Variants in CACNA1E observed in about 807,000 individuals in gnomAD.
CACNA1E encodes voltage-dependent R-type calcium channel subunit alpha-1E.
A neutral mutation model predicts 259.2 loss-of-function variants in CACNA1E; 40 were observed. The observed-to-expected ratio is 0.15, with a 90% CI of 0.12 to 0.20. CACNA1E has a LOEUF of 0.20. Among genes scored for constraint, CACNA1E ranks in the 10% least tolerant of loss-of-function variants. The pLI is 1.00. For synonymous variants in CACNA1E, 1,104 were observed against 1,138.5 expected (o/e 0.97, Z 0.61); for missense variants, 1,874 against 3,040.1 (o/e 0.62, Z 9.02).
In CACNA1E at chr1:181,631,645, A is replaced by G. The variant is rs1656753955; in HGVS notation, c.952-19693A>G. Among the ~76,000 whole-genome samples, 3 of 152,280 alleles carry G rather than the reference A, an allele frequency of 2.0e-5. No homozygotes were observed. The East Asian group carries it at 5.8e-4, about 29-fold the overall frequency. ...AGATAGGCCTCCTGCCTGCCCCCTC[A>G]GTGGGATGGTGCTTGTCAGTGTGAA... On this transcript the variant is annotated intron_variant, in intron 6 of 47. Coordinates refer to ENST00000367573, the MANE Select transcript of CACNA1E (RefSeq NM_001205293.3).
At chr1:181,353,609 G>A (rs977130650) in intron 1 of CACNA1E, among the ~76,000 whole-genome samples, 8 of 152,212 alleles carry the variant, frequency 5.3e-5, no homozygotes, top group African/African-American at 1.9e-4. Context: ...GGTGGGAAGA[G>A]ATGTCAGTGA....
upstream of CACNA1E, among the ~76,000 whole-genome samples, chr1:181,479,215 A>G (rs139137867): frequency 3.1e-3 from 476 of 152,292 alleles, 1 homozygote; most frequent in African/African-American, 0.011. Flanking sequence ...TAGTACCTCA[A>G]CAAAGTCCCA....
At chr1:181,404,313 G>A (rs1208543429) in intron 1 of CACNA1E, among the ~76,000 whole-genome samples, 1 of 152,210 alleles carries the variant, frequency 6.6e-6, no homozygotes, top group Non-Finnish European at 1.5e-5. Context: ...AATCTTACAA[G>A]TGCCTTGTGT....
intron 1 of CACNA1E, among the ~76,000 whole-genome samples, chr1:181,393,304 A>G (rs531892645): frequency 8.5e-5 from 13 of 152,340 alleles, no homozygotes; most frequent in Admixed American, 7.8e-4. Flanking sequence ...CCTTCCTTAC[A>G]GCATTATCAT....
intron 2 of CACNA1E, among the ~76,000 whole-genome samples, chr1:181,454,225 C>T (rs1320064611): frequency 6.6e-6 from 1 of 152,164 alleles, no homozygotes; most frequent in Non-Finnish European, 1.5e-5. Context: ...GTCAGGAAAG[C>T]CATGCTGTAT....
intron 1 of CACNA1E, among the ~76,000 whole-genome samples, chr1:181,402,731 C>T (rs891844867): frequency 6.6e-6 from 1 of 152,130 alleles, no homozygotes; most frequent in Non-Finnish European, 1.5e-5. Flanking sequence ...CCTGCACACA[C>T]ATGTACATAT....
At chr1:181,750,989 A>T (rs1206251179) in intron 26 of CACNA1E, among the ~76,000 whole-genome samples, 2 of 149,112 alleles carry the variant, frequency 1.3e-5, no homozygotes, top group Non-Finnish European at 3.0e-5. Flanking sequence ...GGGGTGGGGT[A>T]GGGGGGTAGG....
chr1:181,757,516 C>T (rs967016861), intron 30 of CACNA1E, among the ~76,000 whole-genome samples: 8 of 152,168 alleles, frequency 5.3e-5, no homozygotes, highest in Non-Finnish European at 1.2e-4. Flanking sequence ...TGTAAGGTTT[C>T]AAAAGCTGTT....
At chr1:181,473,141 G>A (rs1014172010) in intron 2 of CACNA1E, among the ~76,000 whole-genome samples, 1 of 152,172 alleles carries the variant, frequency 6.6e-6, no homozygotes, top group Non-Finnish European at 1.5e-5. Context: ...CGCCGGTGCA[G>A]CAGACCCTTG....
chr1:181,748,725 A>G (rs1657331383), intron 25 of CACNA1E, among the ~76,000 whole-genome samples: 2 of 152,170 alleles, frequency 1.3e-5, no homozygotes, highest in African/African-American at 4.8e-5. Context: ...AATTGATTTC[A>G]TTTTTCCTAT....
At chr1:181,629,902 T>C (rs1656548979) in intron 6 of CACNA1E, among the ~76,000 whole-genome samples, 1 of 152,218 alleles carries the variant, frequency 6.6e-6, no homozygotes, top group South Asian at 2.1e-4. Flanking sequence ...TGTGCGTCTG[T>C]GTGGGTCTAC....
chr1:181,686,080 T>A (rs1396447804), intron 7 of CACNA1E, among the ~76,000 whole-genome samples: 1 of 151,452 alleles, frequency 6.6e-6, no homozygotes, highest in Non-Finnish European at 1.5e-5. Flanking sequence ...CTAGAGACAG[T>A]GAGGGGTAGA....
intron 2 of CACNA1E, among the ~76,000 whole-genome samples, chr1:181,436,704 C>T (rs1172717528): frequency 1.3e-5 from 2 of 151,882 alleles, no homozygotes; most frequent in East Asian, 1.9e-4. Context: ...AGGCTGGGGA[C>T]GAGGGGGGTG....
chr1:181,619,321 A>G (rs1346623169), intron 6 of CACNA1E, among the ~76,000 whole-genome samples: 1 of 152,052 alleles, frequency 6.6e-6, no homozygotes, highest in Admixed American at 6.6e-5. Flanking sequence ...TCTGGGGAAC[A>G]AGCATTTTGA....
intron 6 of CACNA1E, among the ~76,000 whole-genome samples, chr1:181,604,804 G>A (rs960858326): frequency 1.3e-5 from 2 of 152,132 alleles, no homozygotes; most frequent in African/African-American, 4.8e-5. Context: ...CTCATAGGGT[G>A]GGAACTTGGC....
intron 1 of CACNA1E, among the ~76,000 whole-genome samples, chr1:181,388,042 T>G (rs1241556442): frequency 6.6e-6 from 1 of 152,216 alleles, no homozygotes; most frequent in Non-Finnish European, 1.5e-5. Flanking sequence ...CCTTCAACAT[T>G]TGCTCTGAGG....
intron 3 of CACNA1E, among the ~76,000 whole-genome samples, chr1:181,541,490 A>T (rs1572149997): frequency 6.6e-6 from 1 of 152,082 alleles, no homozygotes; most frequent in Non-Finnish European, 1.5e-5. Flanking sequence ...TGATGGTAAC[A>T]GGATCGTTGA....
intron 6 of CACNA1E, among the ~76,000 whole-genome samples, chr1:181,630,157 A>G (rs1656581712): frequency 6.6e-6 from 1 of 152,170 alleles, no homozygotes; most frequent in Non-Finnish European, 1.5e-5. Context: ...TTCTATATAC[A>G]TCTTTGTATG....
intron 3 of CACNA1E, among the ~76,000 whole-genome samples, chr1:181,559,282 T>C (rs1422280158): frequency 6.6e-6 from 1 of 152,156 alleles, no homozygotes; most frequent in African/African-American, 2.4e-5. Context: ...GCACAGAATA[T>C]GTGCAGGCTG....
Sources: gnomAD v4.1 joint callset for allele counts (sites outside exome capture counted in the v4.1 genomes callset) on GRCh38, gnomAD v4.1.1 for gene constraint, MANE v1.5 for transcripts, NCBI Gene and HGNC (gene_info 2026-07-23, HGNC 2026-07-21) for gene names.